SYCP2: variants seen among roughly 807,000 people sequenced by gnomAD.
The protein encoded by SYCP2 is synaptonemal complex protein 2.
SYCP2 carries 55 observed loss-of-function variants against 211.3 expected under a neutral mutation model. The observed-to-expected ratio is 0.26, with a 90% CI of 0.21 to 0.33. The LOEUF (loss-of-function observed/expected upper bound fraction) is 0.33, where lower values mean the gene tolerates loss of function less well. Ranked by LOEUF, SYCP2 falls within the 10% of genes least tolerant of loss-of-function variation. The probability of loss-of-function intolerance (pLI) is 1.00; values close to 1 mark genes in which losing one functional copy is unlikely to be tolerated. For synonymous variants in SYCP2, 570 were observed against 555.2 expected (o/e 1.03, Z -0.37); for missense variants, 1,731 against 1,752.0 (o/e 0.99, Z 0.21).
intron 18 of SYCP2, among the ~76,000 whole-genome samples, chr20:59,897,304 A>G (rs1346092344): frequency 1.3e-5 from 2 of 152,180 alleles, no homozygotes; most frequent in Admixed American, 6.6e-5. Flanking sequence ...AGGATAAGAT[A>G]AAAGAAAATT....
intron 17 of SYCP2, among the ~76,000 whole-genome samples, chr20:59,900,536 A>T (rs935157474): frequency 5.3e-5 from 8 of 152,114 alleles, no homozygotes; most frequent in African/African-American, 1.9e-4. Context: ...AAAGTTACTA[A>T]ACTGATATTT....
chr20:59,877,372 T>G lies in SYCP2; in HGVS notation c.3150+13A>C. On this transcript the variant is annotated intron_variant, in intron 33 of 44. Transcript: ENST00000357552. ...GAGGCTTTTAGAAATTAATCTGAAC[T>G]GTATCTATTTACCTTTACTGGTATG... 6.6e-7 allele frequency: 1 copy of G among 1,524,888 alleles called. No homozygotes were observed. Among genetic ancestry groups the G allele is most frequent in the Non-Finnish European group, 8.8e-7 (1 of 1,142,780 alleles). 94.5% of individuals were successfully genotyped at this position (1,524,888 alleles called of 1,614,324 possible).
chr20:59,890,914 A>G (rs927588856), intron 24 of SYCP2, among the ~76,000 whole-genome samples: 1 of 151,960 alleles, frequency 6.6e-6, no homozygotes, highest in Non-Finnish European at 1.5e-5. Context: ...AGCTAAGATG[A>G]GAAAGAGAAA....
At position 59,880,421 on chromosome 20, in the gene SYCP2, C is replaced by T. The variant is rs1346208547; in HGVS notation, c.2823G>A (p.Glu941=). The T allele has an allele frequency of 2.5e-6, 4 of 1,599,718 alleles. No homozygotes were observed. Among genetic ancestry groups the T allele is most frequent in the Non-Finnish European group, 2.6e-6 (3 of 1,170,676 alleles). The change falls in exon 31 of 45, where the codon GAG becomes GAA. Residue 941 remains glutamate (E), a synonymous_variant. Transcript: ENST00000357552. ...CAGTCTTGCTGTCATCACATCTGTACTCTGTTTCAGTATCACTAAACAGAT... is the reference window on the plus strand; with the variant it reads ...CAGTCTTGCTGTCATCACATCTGTATTCTGTTTCAGTATCACTAAACAGAT... ...KKNLFSDTET[E]YRCDDSKTDI...
chr20:59,933,490 G>C (rs1398267766), intron 1 of SYCP2, 79 bp downstream of exon 1: 1 of 152,028 alleles, frequency 6.6e-6, no homozygotes, highest in South Asian at 2.1e-4. Flanking sequence ...CTGCCGGCTT[G>C]AAAGGCCAAG....
At chr20:59,898,721 A>G (rs1391603277) in intron 18 of SYCP2, among the ~76,000 whole-genome samples, 1 of 151,988 alleles carries the variant, frequency 6.6e-6, no homozygotes, top group Non-Finnish European at 1.5e-5. Context: ...CTTCCTACAA[A>G]AAAAAGATAT....
Position 59,865,585 on chromosome 20 carries a change from AAC to A in SYCP2, c.4444_4445del (p.Val1482PhefsTer21). ...VFCNTDSEET[V>X]FTSEMCLMKE... is the part of the protein sequence containing the mutation. Reference sequence around the variant, plus strand: ...ATAAAATTTATACCTCGGATGTAAAAACAGTTTCTTCACTATCAGTATTACAG... The same window carrying A: ...ATAAAATTTATACCTCGGATGTAAAAAGTTTCTTCACTATCAGTATTACAG... On this transcript the variant is annotated frameshift_variant, in exon 43 of 45. Transcript: ENST00000357552. LOFTEE classifies it high-confidence loss of function. 6.2e-7 allele frequency: 1 copy of A among 1,603,102 alleles called. No homozygotes were observed. The highest frequency in any genetic ancestry group is 8.5e-7 in the Non-Finnish European group (1 of 1,175,704).
At chr20:59,921,953 C>T (rs1458518663) in intron 3 of SYCP2, among the ~76,000 whole-genome samples, 1 of 151,554 alleles carries the variant, frequency 6.6e-6, no homozygotes, top group Non-Finnish European at 1.5e-5. Flanking sequence ...GCCATCCTTG[C>T]TATTAAAGTA....
chr20:59,910,740 T>C (rs1168491634), intron 14 of SYCP2, among the ~76,000 whole-genome samples: 2 of 151,196 alleles, frequency 1.3e-5, no homozygotes, highest in Non-Finnish European at 3.0e-5. Context: ...GCAAAAGTAA[T>C]TGCAGTTTCT....
intron 24 of SYCP2, 73 bp from the exon 25 acceptor site, chr20:59,886,907 CTT>C: frequency 1.6e-6 from 2 of 1,228,442 alleles, no homozygotes; most frequent in Non-Finnish European, 2.2e-6. Context: ...CTGAAAAAAA[CTT>C]TTAAGATAAA....
intron 12 of SYCP2, among the ~76,000 whole-genome samples, chr20:59,912,766 G>A (rs1371791167): frequency 6.6e-6 from 1 of 152,188 alleles, no homozygotes; most frequent in African/African-American, 2.4e-5. Flanking sequence ...CCTGGTAGGA[G>A]ATAACAGAAT....
chr20:59,892,386 GGAT>G lies in SYCP2; in HGVS notation c.1965_1967del (p.Ser658del), dbSNP rs745983703. ...CAGAATTATGATCAGATATTGAAGAGGATGATTTTTGTTTAGTAAGTTTTTTAT... is the reference window on the plus strand; with the variant it reads ...CAGAATTATGATCAGATATTGAAGAGGATTTTTGTTTAGTAAGTTTTTTAT... On this transcript the variant is annotated inframe_deletion, in exon 24 of 45. Coordinates refer to ENST00000357552, the MANE Select transcript of SYCP2 (RefSeq NM_014258.4). 123 of 1,563,340 alleles carry G rather than the reference GGAT, an allele frequency of 7.9e-5. No homozygotes were observed. The highest frequency in any genetic ancestry group is 1.0e-4 in the Non-Finnish European group (117 of 1,151,256).
chr20:59,903,824 C>G (rs1466499115), intron 15 of SYCP2, among the ~76,000 whole-genome samples: 16 of 152,052 alleles, frequency 1.1e-4, no homozygotes, highest in Admixed American at 1.0e-3. Flanking sequence ...GGAAGACTGC[C>G]AAGTAGCAGT....
chr20:59,883,722 G>T (rs928932828), intron 26 of SYCP2, among the ~76,000 whole-genome samples: 1 of 151,886 alleles, frequency 6.6e-6, no homozygotes, highest in African/African-American at 2.4e-5. Flanking sequence ...GAAAAAGGGA[G>T]ATCAAAGGAT....
chr20:59,875,523 G>T, intron 33 of SYCP2, 54 bp from the exon 34 acceptor site: 1 of 1,343,946 alleles, frequency 7.4e-7, no homozygotes, highest in Non-Finnish European at 1.0e-6. Flanking sequence ...TTTACACTTG[G>T]ACACATAAAA....
chr20:59,895,516 G>A lies in SYCP2; in HGVS notation c.1586C>T (p.Ser529Leu). 6.2e-7 allele frequency: 1 copy of A among 1,613,018 alleles called. No homozygotes were observed. The highest frequency in any genetic ancestry group is 8.5e-7 in the Non-Finnish European group (1 of 1,179,310). ...SAEKPSVSQT[S>L]ENRVDNAASL... ...TGCAGCATTATCCACTCTATTTTCT[G>A]ATGTTTGAGAAACACTAGGTTTCTC... The change falls in exon 20 of 45, where the codon TCA becomes TTA. Residue 529 changes from serine (S) to leucine (L), a missense_variant. By Grantham distance (145) the Ser-to-Leu change is moderately radical (BLOSUM62 -2). Transcript: ENST00000357552.
At chr20:59,927,251 A>T (rs1644328542) in intron 2 of SYCP2, among the ~76,000 whole-genome samples, 3 of 152,150 alleles carry the variant, frequency 2.0e-5, no homozygotes, top group Non-Finnish European at 4.4e-5. Context: ...TTTAACTTGT[A>T]AAGGGTTTTA....
intron 2 of SYCP2, among the ~76,000 whole-genome samples, chr20:59,927,897 G>A (rs1235919743): frequency 6.6e-6 from 1 of 152,150 alleles, no homozygotes; most frequent in Non-Finnish European, 1.5e-5. Flanking sequence ...CTGCCCCTGT[G>A]AGAAAGTCAG....
intron 44 of SYCP2, among the ~76,000 whole-genome samples, 174 bp from the exon 45 acceptor site, chr20:59,864,562 C>T (rs2059292695): frequency 6.6e-6 from 1 of 151,914 alleles, no homozygotes; most frequent in Non-Finnish European, 1.5e-5. Flanking sequence ...ATTCTGTGAT[C>T]ATTACTGATA....
Sources: gnomAD v4.1 joint callset for allele counts (sites outside exome capture counted in the v4.1 genomes callset) on GRCh38, gnomAD v4.1.1 for gene constraint, MANE v1.5 for transcripts, NCBI Gene and HGNC (gene_info 2026-07-23, HGNC 2026-07-21) for gene names.